Variants in SEL1L observed in about 807,000 individuals in gnomAD.
SEL1L encodes SEL1L adaptor subunit of SYVN1 ubiquitin ligase.
SEL1L carries 52 observed loss-of-function variants against 109.8 expected under a neutral mutation model. The observed-to-expected ratio is 0.47, with a 90% CI of 0.38 to 0.60. SEL1L has a LOEUF of 0.60. Among genes scored for constraint, SEL1L ranks in the 20% least tolerant of loss-of-function variants. SEL1L has a pLI of 0.00. For missense variants in SEL1L, 749 were observed against 962.2 expected, an observed-to-expected ratio of 0.78 and a Z score of 2.93; for synonymous variants, 373 against 339.6, an observed-to-expected ratio of 1.10 and a Z score of -1.08.
rs1224508269 is a variant in SEL1L at position 81,472,675 on chromosome 14, GAC to G, written c.*4295_*4296del. 2.6e-6 allele frequency: 1 copy of G among 384,222 alleles called. No homozygotes were observed. Among genetic ancestry groups the G allele is most frequent in the Admixed American group, 3.7e-5 (1 of 26,978 alleles). The allele number at this position is 384,222 out of a possible 1,614,324, so 23.8% of individuals were successfully genotyped here. On this transcript the variant is annotated 3_prime_UTR_variant, in exon 21 of 21. Transcript: ENST00000336735. ...TTACTACATATCAAGGCTGCTTCAA[GAC>G]AAAGATATCAGAGATTTAAAAGATA...
intron 16 of SEL1L, 83 bp from the exon 17 acceptor site, chr14:81,486,537 CAT>C: frequency 1.5e-6 from 2 of 1,365,136 alleles, no homozygotes; most frequent in Non-Finnish European, 2.0e-6. Context: ...TTTGGTTACA[CAT>C]GACTATTAAG....
chr14:81,478,924 T>C (rs2139979574), intron 20 of SEL1L, among the ~76,000 whole-genome samples: 1 of 152,310 alleles, frequency 6.6e-6, no homozygotes, highest in East Asian at 1.9e-4. Context: ...TAAGCCTATG[T>C]TAGAAACAAG....
chr14:81,487,554 A>C lies in SEL1L; in HGVS notation c.1484-16T>G, dbSNP rs373847653. On this transcript the variant is annotated splice_polypyrimidine_tract_variant and intron_variant, in intron 15 of 20. Coordinates refer to ENST00000336735, the MANE Select transcript of SEL1L (RefSeq NM_005065.6). ...CCAATGCCATCTGTAAGAAAAAAAAAAATCACACGAGATAATAGACTTAAG... is the reference window on the plus strand; with the variant it reads ...CCAATGCCATCTGTAAGAAAAAAAACAATCACACGAGATAATAGACTTAAG... The C allele has an allele frequency of 4.0e-5, 63 of 1,592,820 alleles. No homozygotes were observed. Among genetic ancestry groups the C allele is most frequent in the Non-Finnish European group, 5.3e-5 (62 of 1,175,746 alleles).
intron 10 of SEL1L, 93 bp downstream of exon 10, chr14:81,497,799 T>C (rs984874910): frequency 2.6e-6 from 3 of 1,156,750 alleles, no homozygotes; most frequent in African/African-American, 3.1e-5. Flanking sequence ...GCAATGAAAA[T>C]GTAACTTACA....
intron 12 of SEL1L, among the ~76,000 whole-genome samples, chr14:81,491,089 C>T (rs1883521954): frequency 6.6e-6 from 1 of 152,164 alleles, no homozygotes. Context: ...ATTTTTCTCA[C>T]TCTATTCCAG....
At chr14:81,482,547 G>A (rs1300263053) in intron 19 of SEL1L, among the ~76,000 whole-genome samples, 1 of 152,102 alleles carries the variant, frequency 6.6e-6, no homozygotes, top group African/African-American at 2.4e-5. Flanking sequence ...CTTTCTGATA[G>A]AAGCTAAGTC....
rs1903174392 is a variant in SEL1L at position 81,476,841 on chromosome 14, G to T, written c.*131C>A. On this transcript the variant is annotated 3_prime_UTR_variant, in exon 21 of 21. Transcript: ENST00000336735. ...GGCATCAGATTCTAAGCAGCTTTAG[G>T]AATTCAATGCTTCCTTGTGCCGTGC... 3.7e-6 allele frequency: 3 copies of T among 815,880 alleles called. No homozygotes were observed. Among genetic ancestry groups the T allele is most frequent in the South Asian group, 1.9e-5 (1 of 54,008 alleles). The allele number at this position is 815,880 out of a possible 1,614,324, so 50.5% of individuals were successfully genotyped here. A position where few individuals can be genotyped will look rare whatever the true frequency, so the allele number is the denominator to read the frequency against.
Position 81,475,917 on chromosome 14 carries a change from T to A in SEL1L, c.*1055A>T, listed in dbSNP as rs12435937. ...TTCATCAACCACTGAGTTTAATCCA[T>A]CTTTGATTCTCTGAGTTTTAGTATT... On this transcript the variant is annotated 3_prime_UTR_variant, in exon 21 of 21. Coordinates refer to ENST00000336735, the MANE Select transcript of SEL1L (RefSeq NM_005065.6). The A allele has an allele frequency of 6.6e-6, 1 of 152,194 alleles. No homozygotes were observed. The highest frequency in any genetic ancestry group is 1.5e-5 in the Non-Finnish European group (1 of 68,032). 9.4% of individuals were successfully genotyped at this position (152,194 alleles called of 1,614,324 possible).
rs776512351 is a variant in SEL1L at position 81,472,856 on chromosome 14, C to T, written c.*4116G>A. 1 of 236,750 alleles carries T rather than the reference C, an allele frequency of 4.2e-6. No individual in the cohort carries two copies. The allele number at this position is 236,750 out of a possible 1,614,324, so 14.7% of individuals were successfully genotyped here. ...TCCAAAAAACATTAAAAAATTGAAT[C>T]ATTCAGCTTAAAAAAAGTCTGTCTG... is the stretch of plus-strand genomic sequence containing the variant. On this transcript the variant is annotated 3_prime_UTR_variant, in exon 21 of 21. Coordinates refer to ENST00000336735, the MANE Select transcript of SEL1L (RefSeq NM_005065.6).
chr14:81,492,587 CAG>C, intron 11 of SEL1L, 39 bp from the exon 12 acceptor site: 1 of 1,367,570 alleles, frequency 7.3e-7, no homozygotes, highest in Non-Finnish European at 1.0e-6. Context: ...TAGTTTTTAA[CAG>C]AATCTGCTTT....
At chr14:81,501,136 A>G (rs1307994266) in intron 6 of SEL1L, among the ~76,000 whole-genome samples, 1 of 152,178 alleles carries the variant, frequency 6.6e-6, no homozygotes, top group African/African-American at 2.4e-5. Flanking sequence ...CCCGTGTAGC[A>G]ATCAGTGTAG....
chr14:81,501,189 A>T (rs1883991370), intron 6 of SEL1L, among the ~76,000 whole-genome samples: 1 of 152,210 alleles, frequency 6.6e-6, no homozygotes, highest in Non-Finnish European at 1.5e-5. Flanking sequence ...CACTACTCAG[A>T]AAAGAGTGAT....
rs1244825859 is a variant in SEL1L, at chr14:81,471,572, G to GA, written c.*5399dup. 11 of 152,138 alleles carry GA rather than the reference G, an allele frequency of 7.2e-5. No individual in the cohort carries two copies. Among genetic ancestry groups the GA allele is most frequent in the Admixed American group, 4.6e-4 (7 of 15,258 alleles). 9.4% of individuals were successfully genotyped at this position (152,138 alleles called of 1,614,324 possible). ...TTGAGCAGCAACAAATTATTTATAT[G>GA]AACATTCCAAATTCAGTTAACTAAC... On this transcript the variant is annotated 3_prime_UTR_variant, in exon 21 of 21. Transcript: ENST00000336735.
intron 13 of SEL1L, among the ~76,000 whole-genome samples, chr14:81,489,824 GA>G (rs945395542): frequency 2.0e-5 from 3 of 151,362 alleles, no homozygotes; most frequent in African/African-American, 7.3e-5. Context: ...GGACTAGAAA[GA>G]AAAAAATCTA....
At position 81,499,520 on chromosome 14, in the gene SEL1L, T is replaced by C; in HGVS notation, c.832-2A>G. On this transcript the variant is annotated splice_acceptor_variant, in intron 7 of 20. Transcript: ENST00000336735. LOFTEE classifies it high-confidence loss of function. ...TCCAAATGTATAATATACAAGAGCCTGTGAAAGAACAAAACATGTTTAACT... is the reference window on the plus strand; with the variant it reads ...TCCAAATGTATAATATACAAGAGCCCGTGAAAGAACAAAACATGTTTAACT... 1 of 1,611,250 alleles carries C rather than the reference T, an allele frequency of 6.2e-7. No homozygotes were observed. The highest frequency in any genetic ancestry group is 8.5e-7 in the Non-Finnish European group (1 of 1,179,252).
chr14:81,474,703 A>T lies in SEL1L; in HGVS notation c.*2269T>A, dbSNP rs1169945668. The T allele has an allele frequency of 6.6e-6, 1 of 152,362 alleles. No individual in the cohort carries two copies. The highest frequency in any genetic ancestry group is 3.4e-3 in the Middle Eastern group (1 of 294). 9.4% of individuals were successfully genotyped at this position (152,362 alleles called of 1,614,324 possible). ...ACAGTCTTTAAGTGAAGCCATAAGA[A>T]CTAAGTTATTTGAAAGACACCATTC... On this transcript the variant is annotated 3_prime_UTR_variant, in exon 21 of 21. Transcript: ENST00000336735.
At chr14:81,528,330 C>T (rs1414655964) in intron 1 of SEL1L, among the ~76,000 whole-genome samples, 3 of 152,148 alleles carry the variant, frequency 2.0e-5, no homozygotes, top group Non-Finnish European at 2.9e-5. Flanking sequence ...CAGCATGGTC[C>T]TATCATATAT....
In SEL1L at chr14:81,475,325, G is replaced by C. The variant is rs1319790515; in HGVS notation, c.*1647C>G. 1.3e-5 allele frequency: 2 copies of C among 152,506 alleles called. No individual in the cohort carries two copies. Among genetic ancestry groups the C allele is most frequent in the African/African-American group, 4.8e-5 (2 of 41,394 alleles). 9.4% of individuals were successfully genotyped at this position (152,506 alleles called of 1,614,324 possible). A position where few individuals can be genotyped will look rare whatever the true frequency, so the allele number is the denominator to read the frequency against. On this transcript the variant is annotated 3_prime_UTR_variant, in exon 21 of 21. Transcript: ENST00000336735. ...TCTTCGAATTTGGAAGCAATTATCTGGGAGGAAAGTTTTGCTTACCAGGTT... is the reference window on the plus strand; with the variant it reads ...TCTTCGAATTTGGAAGCAATTATCTCGGAGGAAAGTTTTGCTTACCAGGTT...
chr14:81,483,643 T>C (rs553732258), intron 19 of SEL1L, among the ~76,000 whole-genome samples: 1 of 152,242 alleles, frequency 6.6e-6, no homozygotes, highest in African/African-American at 2.4e-5. Flanking sequence ...TAGATTCTAT[T>C]GGATATTTTA....
Sources: gnomAD v4.1 joint callset for allele counts (sites outside exome capture counted in the v4.1 genomes callset) on GRCh38, gnomAD v4.1.1 for gene constraint, MANE v1.5 for transcripts, NCBI Gene and HGNC (gene_info 2026-07-23, HGNC 2026-07-21) for gene names.